The following CEP295 variants were observed in gnomAD, a reference collection of about 807,000 sequenced individuals.
CEP295 encodes centrosomal protein of 295 kDa.
A neutral mutation model predicts 291.6 loss-of-function variants in CEP295; 190 were observed. The ratio of observed to expected loss-of-function variants is 0.65; its 90% CI spans 0.58 to 0.73. The LOEUF (loss-of-function observed/expected upper bound fraction) is 0.73, where lower values mean the gene tolerates loss of function less well. Ranked by LOEUF, CEP295 falls within the 30% of genes least tolerant of loss-of-function variation. The pLI is 0.00. For synonymous variants in CEP295, 993 were observed against 1,038.8 expected (o/e 0.96, Z 0.85); for missense variants, 2,863 against 2,949.4 (o/e 0.97, Z 0.68).
chr11:93,664,442 T>C (rs532090027), intron 1 of CEP295, among the ~76,000 whole-genome samples: 13 of 152,262 alleles, frequency 8.5e-5, no homozygotes, highest in Non-Finnish European at 1.8e-4. Flanking sequence ...ATGAAAAATA[T>C]AATCAGTACT....
intron 12 of CEP295, 29 bp downstream of exon 12, chr11:93,692,059 T>G: frequency 7.3e-6 from 9 of 1,238,766 alleles, no homozygotes; most frequent in Non-Finnish European, 1.0e-5. Context: ...TTTAAAGGTT[T>G]ATTTTTCCCC....
In CEP295 at chr11:93,727,505, A is replaced by G; in HGVS notation, c.7029A>G (p.Gln2343=). The G allele has an allele frequency of 6.4e-7, 1 of 1,551,868 alleles. No individual in the cohort carries two copies. The highest frequency in any genetic ancestry group is 8.7e-7 in the Non-Finnish European group (1 of 1,147,004). Reference sequence around the variant, plus strand: ...AGGCACCATATTCCTTAACTACTCAAAATGAAAAATATTTTGAGAATTCAG... The same window carrying G: ...AGGCACCATATTCCTTAACTACTCAGAATGAAAAATATTTTGAGAATTCAG... The part of the protein sequence containing the change: ...SIQAPYSLTT[Q]NEKYFENSAE... Residue 2343 remains glutamine (Q), a synonymous_variant, in exon 24 of 30, where the codon CAA becomes CAG. Transcript: ENST00000325212.
intron 1 of CEP295, among the ~76,000 whole-genome samples, chr11:93,663,185 T>C (rs937604139): frequency 1.3e-5 from 2 of 152,238 alleles, no homozygotes; most frequent in African/African-American, 4.8e-5. Context: ...CATGGGCTGC[T>C]CCTAGCCACT....
chr11:93,666,570 G>C, intron 1 of CEP295, 112 bp from the exon 2 acceptor site: 1 of 522,344 alleles, frequency 1.9e-6, no homozygotes, highest in South Asian at 2.9e-5. Flanking sequence ...CTCCAGCCTG[G>C]GTGACAGAGC....
intron 18 of CEP295, among the ~76,000 whole-genome samples, chr11:93,718,137 C>G (rs918275357): frequency 5.3e-5 from 8 of 152,294 alleles, no homozygotes; most frequent in African/African-American, 1.9e-4. Context: ...TCTTGAACCC[C>G]TAGGCTTGAG....
intron 5 of CEP295, among the ~76,000 whole-genome samples, chr11:93,671,973 A>G (rs1295246049): frequency 6.6e-6 from 1 of 152,200 alleles, no homozygotes; most frequent in Non-Finnish European, 1.5e-5. Context: ...AAGAGAATTG[A>G]TACTTCTTGT....
intron 20 of CEP295, 38 bp downstream of exon 20, chr11:93,722,088 C>T: frequency 8.1e-7 from 1 of 1,240,726 alleles, no homozygotes; most frequent in South Asian, 1.3e-5. Context: ...AGTTGAAAGA[C>T]CGGCACCAGT....
chr11:93,705,795 A>G (rs1205780090), intron 17 of CEP295, among the ~76,000 whole-genome samples: 3 of 152,164 alleles, frequency 2.0e-5, no homozygotes, highest in Non-Finnish European at 4.4e-5. Flanking sequence ...GTGAGGGGCT[A>G]TATGTGCTGT....
chr11:93,695,010 A>G (rs530812212), intron 12 of CEP295, among the ~76,000 whole-genome samples: 178 of 152,172 alleles, frequency 1.2e-3, no homozygotes, highest in Middle Eastern at 3.2e-3. Context: ...CTTCTGTTCC[A>G]TGCCTGACAA....
chr11:93,712,372 G>A (rs1004314051), intron 18 of CEP295, among the ~76,000 whole-genome samples: 6 of 152,148 alleles, frequency 3.9e-5, no homozygotes, highest in Non-Finnish European at 5.9e-5. Flanking sequence ...TCCTGCTTCA[G>A]CCTCCCAAGT....
chr11:93,729,192 A>G (rs1434982896), intron 25 of CEP295: 2 of 552,606 alleles, frequency 3.6e-6, no homozygotes, highest in African/African-American at 1.9e-5. Flanking sequence ...ATCTAAACAG[A>G]GGCCTAGAGG....
At chr11:93,668,576 T>G (rs1258725419) in intron 3 of CEP295, among the ~76,000 whole-genome samples, 1 of 152,180 alleles carries the variant, frequency 6.6e-6, no homozygotes, top group African/African-American at 2.4e-5. Context: ...CGATATCCTA[T>G]TTATATTTTT....
rs1441411852 is a variant in CEP295 at position 93,727,339 on chromosome 11, G to A, written c.6863G>A (p.Gly2288Glu). 1.9e-6 allele frequency: 3 copies of A among 1,551,246 alleles called. No homozygotes were observed. The highest frequency in any genetic ancestry group is 2.6e-6 in the Non-Finnish European group (3 of 1,146,904). Residue 2288 changes from glycine to glutamate, a missense_variant, in exon 24 of 30, where the codon GGG becomes GAG. Coordinates refer to ENST00000325212, the MANE Select transcript of CEP295 (RefSeq NM_033395.2). Reference protein sequence around the residue: ...SMGFEELSKRGVVTMLQSQGL... With the variant: ...SMGFEELSKREVVTMLQSQGL... ...GGCTTTGAAGAACTATCAAAAAGAGGGGTTGTTACAATGTTACAAAGTCAA... is the reference window on the plus strand; with the variant it reads ...GGCTTTGAAGAACTATCAAAAAGAGAGGTTGTTACAATGTTACAAAGTCAA...
intron 18 of CEP295, among the ~76,000 whole-genome samples, chr11:93,719,127 T>G (rs951128832): frequency 2.6e-5 from 4 of 152,058 alleles, no homozygotes; most frequent in Admixed American, 2.6e-4. Flanking sequence ...AGACAAAGAT[T>G]TGCGATTAGC....
Position 93,727,649 on chromosome 11 carries a change from C to G in CEP295, c.7161+12C>G. On this transcript the variant is annotated intron_variant, in intron 24 of 29. Transcript: ENST00000325212. ...CTATACCAGTCTGGGTAAGTGAAATCAGTGTTGTATAAATAACATTTAAAT... is the reference window on the plus strand; with the variant it reads ...CTATACCAGTCTGGGTAAGTGAAATGAGTGTTGTATAAATAACATTTAAAT... 1 of 1,504,702 alleles carries G rather than the reference C, an allele frequency of 6.6e-7. No homozygotes were observed. The highest frequency in any genetic ancestry group is 8.9e-7 in the Non-Finnish European group (1 of 1,128,710). 93.2% of individuals were successfully genotyped at this position (1,504,702 alleles called of 1,614,324 possible).
Position 93,729,785 on chromosome 11 carries a change from T to C in CEP295, c.7567+4T>C, listed in dbSNP as rs1279934399. Reference sequence around the variant, plus strand: ...GTTAAAGAGAAACCATCTATAAGTATGTTGAATTTTTAAAATCTTCAACCA... The same window carrying C: ...GTTAAAGAGAAACCATCTATAAGTACGTTGAATTTTTAAAATCTTCAACCA... On this transcript the variant is annotated splice_donor_region_variant and intron_variant, in intron 27 of 29. Transcript: ENST00000325212. 11 of 1,537,038 alleles carry C rather than the reference T, an allele frequency of 7.2e-6. No individual in the cohort carries two copies. The African/African-American group carries it at 1.2e-4, about 17-fold the overall frequency.
chr11:93,714,577 C>T (rs541987699), intron 18 of CEP295, among the ~76,000 whole-genome samples: 32 of 152,298 alleles, frequency 2.1e-4, no homozygotes, highest in African/African-American at 7.7e-4. Context: ...ACAGTCTTTG[C>T]ATTCTGGGCT....
Position 93,697,289 on chromosome 11 carries a change from C to T in CEP295, c.2377C>T (p.His793Tyr), listed in dbSNP as rs375689217. ...PSSFVPLVPQ[H>Y]SFSSLPVKVE... ...TTCATTTGTACCACTGGTACCTCAG[C>T]ATTCTTTTAGTTCTCTGCCTGTTAA... Residue 793 changes from histidine to tyrosine, a missense_variant, in exon 15 of 30, where the codon CAT becomes TAT. His to Tyr is a moderately conservative substitution (Grantham distance 83). Around this residue, in one of 3 missense-constraint regions of CEP295, gnomAD observed 2,295 missense variants for 2,335.7 expected, o/e 0.98. Transcript: ENST00000325212. 6 of 1,551,786 alleles carry T rather than the reference C, an allele frequency of 3.9e-6. No homozygotes were observed. Among genetic ancestry groups the T allele is most frequent in the Non-Finnish European group, 5.2e-6 (6 of 1,147,004 alleles).
In CEP295 at chr11:93,698,647, A is replaced by T; in HGVS notation, c.3735A>T (p.Arg1245Ser). The part of the protein sequence containing the change: ...KIPRCQERLL[R>S]VSQHMLPLQD... ...CAAGATGTCAGGAAAGACTTTTGAG[A>T]GTTTCACAACATATGCTACCTCTAC... Residue 1245 changes from arginine (R) to serine (S), a missense_variant, in exon 15 of 30, where the codon AGA (arginine) becomes AGT (serine). Around this residue, in one of 3 missense-constraint regions of CEP295, gnomAD observed 2,295 missense variants for 2,335.7 expected, o/e 0.98. Transcript: ENST00000325212. 6.4e-7 allele frequency: 1 copy of T among 1,550,978 alleles called. No homozygotes were observed. Among genetic ancestry groups the T allele is most frequent in the East Asian group, 2.4e-5 (1 of 40,910 alleles).
Sources: allele counts gnomAD v4.1 joint callset (sites outside exome capture counted in the v4.1 genomes callset), GRCh38; gene constraint gnomAD v4.1.1; regional missense constraint gnomAD v4.1.1; transcripts MANE v1.5; gene names NCBI Gene and HGNC (gene_info 2026-07-23, HGNC 2026-07-21).